CCSER1: variants seen among roughly 807,000 people sequenced by gnomAD.
CCSER1 encodes the protein coiled-coil serine rich protein 1, also known as serine-rich coiled-coil domain-containing protein 1.
Under a neutral mutation model 82.0 loss-of-function variants are expected in CCSER1, and 41 were observed. That is an observed-to-expected ratio of 0.50 (90% CI 0.39 to 0.65). The LOEUF is 0.65. CCSER1 is among the 30% of genes least tolerant of loss of function. The probability of loss-of-function intolerance (pLI) is 0.00; values close to 1 mark genes in which losing one functional copy is unlikely to be tolerated. For missense variants in CCSER1, 1,119 were observed against 1,064.2 expected (o/e 1.05, Z -0.72); for synonymous variants, 414 against 383.9 (o/e 1.08, Z -0.92).
At chr4:90,297,596 T>C (rs1161835460) in intron 1 of CCSER1, among the ~76,000 whole-genome samples, 2 of 149,188 alleles carry the variant, frequency 1.3e-5, no homozygotes, top group Non-Finnish European at 3.0e-5. Context: ...ATGCTTCCAG[T>C]TTTTGCCCAT....
chr4:90,784,449 C>A (rs968289576), intron 7 of CCSER1, among the ~76,000 whole-genome samples: 4 of 152,106 alleles, frequency 2.6e-5, no homozygotes, highest in Non-Finnish European at 4.4e-5. Flanking sequence ...AGTGAGGTTA[C>A]AAGGATGAAA....
At chr4:90,204,185 C>T (rs2870042) in intron 1 of CCSER1, among the ~76,000 whole-genome samples, 85,881 of 151,962 alleles carry the variant, frequency 0.57, 24,910 homozygotes, top group African/African-American at 0.69. Flanking sequence ...TGCAGAAGCC[C>T]TTTAGTTTAA....
rs370055746 is a variant in CCSER1 at position 90,476,846 on chromosome 4, C to A, written c.1724+8492C>A. Among the ~76,000 whole-genome samples the A allele has an allele frequency of 1.7e-4, 26 of 152,102 alleles. No homozygotes were observed. The East Asian group carries it at 4.1e-3, about 24-fold the overall frequency. On this transcript the variant is annotated intron_variant, in intron 5 of 10. Coordinates refer to ENST00000509176, the MANE Select transcript of CCSER1 (RefSeq NM_001145065.2). ...TAACGTTTGCATCTAGTTTGACAAC[C>A]CTTCTTTGTACATTGAGCACACAAA...
At chr4:91,166,509 C>T (rs1010482979) in intron 10 of CCSER1, among the ~76,000 whole-genome samples, 3 of 152,092 alleles carry the variant, frequency 2.0e-5, no homozygotes, top group South Asian at 2.1e-4. Flanking sequence ...ATAATGACAC[C>T]GTCTAAGCAT....
Position 90,981,450 on chromosome 4 carries a change from A to G in CCSER1, c.2172+58003A>G, listed in dbSNP as rs556643257. ...AATCTGTTGATGGTTCATAGATACA[A>G]TATTGCAAAGATAATTACGTTTAAT... On this transcript the variant is annotated intron_variant, in intron 9 of 10. Coordinates refer to ENST00000509176, the MANE Select transcript of CCSER1 (RefSeq NM_001145065.2). Among the ~76,000 whole-genome samples, 7 of 151,958 alleles carry G rather than the reference A, an allele frequency of 4.6e-5. No homozygotes were observed. The South Asian group carries it at 1.2e-3, about 27-fold the overall frequency.
chr4:91,327,820 A>G (rs1746675344), intron 10 of CCSER1, among the ~76,000 whole-genome samples: 1 of 152,138 alleles, frequency 6.6e-6, no homozygotes, highest in African/African-American at 2.4e-5. Context: ...CTCCTTTGAG[A>G]TTTGTTCCAG....
At chr4:91,306,690 C>T (rs1007214001) in intron 10 of CCSER1, among the ~76,000 whole-genome samples, 4 of 151,948 alleles carry the variant, frequency 2.6e-5, no homozygotes, top group African/African-American at 4.8e-5. Flanking sequence ...TATTTGTCAA[C>T]ATTTTACTAT....
At chr4:90,217,012 T>C (rs1207437794) in intron 1 of CCSER1, among the ~76,000 whole-genome samples, 1 of 152,194 alleles carries the variant, frequency 6.6e-6, no homozygotes, top group Non-Finnish European at 1.5e-5. Flanking sequence ...CTTGGTTAGA[T>C]TTATTCCTAG....
At chr4:90,344,779 A>G (rs1055573680) in intron 3 of CCSER1, among the ~76,000 whole-genome samples, 1 of 152,052 alleles carries the variant, frequency 6.6e-6, no homozygotes, top group African/African-American at 2.4e-5. Flanking sequence ...ACTTTAATAC[A>G]CCTCTGAATG....
chr4:90,528,658 GTCTATAAAACACACGT>G (rs1774089144), intron 5 of CCSER1, among the ~76,000 whole-genome samples: 1 of 152,172 alleles, frequency 6.6e-6, no homozygotes, highest in East Asian at 1.9e-4. Context: ...TTAGTTCTTT[GTCTATAAAACACACGT>G]TCCATTAACC....
chr4:90,349,413 T>G (rs1259086553), intron 3 of CCSER1, among the ~76,000 whole-genome samples: 1 of 152,124 alleles, frequency 6.6e-6, no homozygotes, highest in African/African-American at 2.4e-5. Context: ...GAGCACTTGT[T>G]TAGGATATAG....
intron 10 of CCSER1, among the ~76,000 whole-genome samples, chr4:91,154,246 A>G (rs1240030904): frequency 1.9e-4 from 29 of 152,046 alleles, no homozygotes; most frequent in Non-Finnish European, 1.0e-4. Flanking sequence ...GCCACCTTGC[A>G]GTTTGATCTC....
chr4:91,198,974 A>G (rs760202620), intron 10 of CCSER1, among the ~76,000 whole-genome samples: 9 of 151,878 alleles, frequency 5.9e-5, no homozygotes, highest in Non-Finnish European at 5.9e-5. Context: ...CTTCATACAC[A>G]CTCTTCCCTC....
At chr4:90,935,882 A>G (rs1325211536) in intron 9 of CCSER1, among the ~76,000 whole-genome samples, 5 of 152,140 alleles carry the variant, frequency 3.3e-5, no homozygotes, top group East Asian at 1.9e-4. Context: ...AATAAGTGCA[A>G]ATGAATCCAG....
chr4:90,522,333 C>G (rs1400771614), intron 5 of CCSER1, among the ~76,000 whole-genome samples: 1 of 152,140 alleles, frequency 6.6e-6, no homozygotes, highest in Non-Finnish European at 1.5e-5. Flanking sequence ...TATTTCTCTT[C>G]TAATCAGAGC....
intron 9 of CCSER1, chr4:90,938,796 G>A (rs13149058): frequency 0.055 from 13,511 of 244,766 alleles, 713 homozygotes; most frequent in East Asian, 0.22. Context: ...AAAATATTGA[G>A]TAAAATCAAT....
At chr4:90,710,512 T>C (rs1740372190) in intron 6 of CCSER1, among the ~76,000 whole-genome samples, 1 of 152,146 alleles carries the variant, frequency 6.6e-6, no homozygotes, top group South Asian at 2.1e-4. Context: ...TTGTATATGG[T>C]GTAAGGAAGA....
chr4:90,542,857 A>G (rs1331291214), intron 5 of CCSER1, among the ~76,000 whole-genome samples: 1 of 152,220 alleles, frequency 6.6e-6, no homozygotes, highest in Non-Finnish European at 1.5e-5. Flanking sequence ...CTCTGATCAT[A>G]GCTCTTTTTC....
At chr4:91,412,944 T>C (rs1370809522) in intron 10 of CCSER1, among the ~76,000 whole-genome samples, 3 of 43,186 alleles carry the variant, frequency 6.9e-5, no homozygotes, top group Admixed American at 5.3e-4. Flanking sequence ...ATGAGATGCA[T>C]AAGGAAACAA....
Sources: gnomAD v4.1 joint callset for allele counts (sites outside exome capture counted in the v4.1 genomes callset) on GRCh38, gnomAD v4.1.1 for gene constraint, MANE v1.5 for transcripts, NCBI Gene and HGNC (gene_info 2026-07-23, HGNC 2026-07-21) for gene names.